Variants in ACRBP observed in about 807,000 individuals in gnomAD.
ACRBP encodes the protein acrosin binding protein, also known as acrosin-binding protein.
ACRBP carries 52 observed loss-of-function variants against 69.0 expected under a neutral mutation model. The ratio of observed to expected loss-of-function variants is 0.75; its 90% CI spans 0.60 to 0.95. ACRBP has a LOEUF of 0.95. Among genes scored for constraint, ACRBP ranks in the 40% least tolerant of loss-of-function variants. The pLI is 0.00. For synonymous variants in ACRBP, 267 were observed against 258.9 expected (o/e 1.03, Z -0.30); for missense variants, 604 against 673.0 (o/e 0.90, Z 1.13).
At chr12:6,638,812 G>C in intron 9 of ACRBP, 142 bp downstream of exon 9, 1 of 1,502,416 alleles carries the variant, frequency 6.7e-7, no homozygotes. Context: ...GAGCCTGCTG[G>C]TGGAGGCCTC....
At chr12:6,647,068 A>AC in intron 1 of ACRBP, 56 bp from the exon 2 acceptor site, 1 of 1,501,686 alleles carries the variant, frequency 6.7e-7, no homozygotes, top group Non-Finnish European at 9.1e-7. Flanking sequence ...CCGCTCCGAG[A>AC]CCAGGACAGA....
At chr12:6,639,430 C>T (rs557285776) in intron 8 of ACRBP, among the ~76,000 whole-genome samples, 4 of 152,326 alleles carry the variant, frequency 2.6e-5, no homozygotes, top group East Asian at 1.9e-4. Flanking sequence ...CTTTGGACCT[C>T]GCCTCCCCAT....
intron 5 of ACRBP, 116 bp downstream of exon 5, chr12:6,644,021 G>A: frequency 1.3e-6 from 2 of 1,487,370 alleles, no homozygotes; most frequent in South Asian, 1.4e-5. Context: ...AGCTGTGCCT[G>A]AAGTCCAGAC....
intron 6 of ACRBP, among the ~76,000 whole-genome samples, chr12:6,643,095 TAAAA>T (rs959147322): frequency 6.6e-6 from 1 of 151,114 alleles, no homozygotes. Flanking sequence ...CTACAAAAAA[TAAAA>T]AAAAATTTAG....
chr12:6,642,748 C>G (rs1200304919), intron 6 of ACRBP, among the ~76,000 whole-genome samples: 1 of 152,186 alleles, frequency 6.6e-6, no homozygotes, highest in Non-Finnish European at 1.5e-5. Flanking sequence ...TGGATGGTAT[C>G]TGAGCTCTCG....
chr12:6,638,666 GAGAC>G (rs1456257794), intron 9 of ACRBP: 37 of 1,404,812 alleles, frequency 2.6e-5, no homozygotes, highest in Non-Finnish European at 3.4e-5. Context: ...GTAAGAAGAG[GAGAC>G]AGACCGAGAC....
intron 6 of ACRBP, among the ~76,000 whole-genome samples, chr12:6,641,228 C>A (rs968558262): frequency 6.6e-6 from 1 of 152,202 alleles, no homozygotes; most frequent in South Asian, 2.1e-4. Flanking sequence ...ACCAATCTCC[C>A]AGCTGGGTTC....
rs1378024205 is a variant in ACRBP at position 6,640,092 on chromosome 12, G to T, written c.1393C>A (p.Leu465Ile). The change falls in exon 8 of 10, where the codon CTT (leucine) becomes ATT (isoleucine). Residue 465 changes from leucine (L) to isoleucine (I), a missense_variant. Physicochemically the swap from Leu to Ile is conservative, Grantham distance 5. This residue lies in a region of ACRBP where 21 missense variants were observed against 50.0 expected (regional missense o/e 0.42). Transcript: ENST00000229243. This position sits in a 1 kb window ranked among gnomAD's most constrained non-coding sequence, Gnocchi z 5.3. ...RVSGWLQTEF[L>I]SFQDGDFPTK... ...GGGAAATCCCCATCCTGGAAGCTAA[G>T]GAACTCAGTCTGGAGCCACCCAGAG... 6.2e-7 allele frequency: 1 copy of T among 1,614,102 alleles called. No individual in the cohort carries two copies. Among genetic ancestry groups the T allele is most frequent in the Non-Finnish European group, 8.5e-7 (1 of 1,180,044 alleles).
Position 6,646,944 on chromosome 12 carries a change from G to C in ACRBP, c.112C>G (p.Leu38Val). The change falls in exon 2 of 10, where the codon CTC (leucine) becomes GTC (valine). Residue 38 changes from leucine to valine, a missense_variant. Physicochemically the swap from Leu to Val is conservative, Grantham distance 32. Coordinates refer to ENST00000229243, the MANE Select transcript of ACRBP (RefSeq NM_032489.3). The part of the protein sequence containing the change: ...STQASTPGSP[L>V]SPTEYERFFA... Reference sequence around the variant, plus strand: ...AAGCGTTCGTATTCGGTAGGAGAGAGAGGGCTGCCTGGAGTGGAGGCCTGA... The same window carrying C: ...AAGCGTTCGTATTCGGTAGGAGAGACAGGGCTGCCTGGAGTGGAGGCCTGA... The C allele has an allele frequency of 6.2e-7, 1 of 1,613,834 alleles. No individual in the cohort carries two copies. Among genetic ancestry groups the C allele is most frequent in the South Asian group, 1.1e-5 (1 of 91,084 alleles).
chr12:6,638,113 G>C lies in ACRBP; in HGVS notation c.*169C>G. The C allele has an allele frequency of 1.2e-6, 1 of 851,990 alleles. No individual in the cohort carries two copies. Among genetic ancestry groups the C allele is most frequent in the Middle Eastern group, 3.7e-4 (1 of 2,728 alleles). 52.8% of individuals were successfully genotyped at this position (851,990 alleles called of 1,614,324 possible). A position where few individuals can be genotyped will look rare whatever the true frequency, so the allele number is the denominator to read the frequency against. ...TTTATGTAAAGTCATCTTTTAAGGA[G>C]GGCGCAGCTCCCACCGTGGCCCTCT... On this transcript the variant is annotated 3_prime_UTR_variant, in exon 10 of 10. Coordinates refer to ENST00000229243, the MANE Select transcript of ACRBP (RefSeq NM_032489.3).
At position 6,638,327 on chromosome 12, in the gene ACRBP, T is replaced by A. The variant is rs1949025846; in HGVS notation, c.1587A>T (p.Arg529=). 6.2e-7 allele frequency: 1 copy of A among 1,614,126 alleles called. No homozygotes were observed. Residue 529 remains arginine, a synonymous_variant, in exon 10 of 10, where the codon CGA becomes CGT. Transcript: ENST00000229243. ...TCAAGGTGCTGAACTCCTGGCTCCA[T>A]CGAAGCACAACGTCCTCACTTTTGC... ...SPGKSEDVVL[R]WSQEFSTLTL...
chr12:6,646,296 C>A (rs1949088396), intron 3 of ACRBP, among the ~76,000 whole-genome samples, 187 bp downstream of exon 3: 1 of 152,056 alleles, frequency 6.6e-6, no homozygotes, highest in African/African-American at 2.4e-5. Flanking sequence ...CTTGCAGTAA[C>A]AGAATTGTTC....
At chr12:6,639,295 G>A (rs565767980) in intron 8 of ACRBP, among the ~76,000 whole-genome samples, 1 of 152,342 alleles carries the variant, frequency 6.6e-6, no homozygotes, top group Admixed American at 6.5e-5. Context: ...CTGAGGAAGC[G>A]GGAATGGGGC....
chr12:6,646,724 A>G, intron 2 of ACRBP, 70 bp downstream of exon 2: 7 of 1,579,756 alleles, frequency 4.4e-6, no homozygotes, highest in Non-Finnish European at 4.3e-6. Context: ...ACATGAGCAC[A>G]GGGGTTTTTG....
In ACRBP at chr12:6,638,325, C is replaced by T; in HGVS notation, c.1589G>A (p.Trp530Ter). 1.2e-6 allele frequency: 2 copies of T among 1,614,164 alleles called. No homozygotes were observed. Among genetic ancestry groups the T allele is most frequent in the East Asian group, 2.2e-5 (1 of 44,870 alleles). ...AGTCAAGGTGCTGAACTCCTGGCTC[C>T]ATCGAAGCACAACGTCCTCACTTTT... ...PGKSEDVVLR[W>*]SQEFSTLTLG... Residue 530 changes from tryptophan (W) to a stop codon, truncating the protein, a stop_gained, in exon 10 of 10, where the codon TGG (tryptophan) becomes TAG (stop). Transcript: ENST00000229243. LOFTEE classifies it high-confidence loss of function.
Position 6,638,608 on chromosome 12 carries a change from C to G in ACRBP, c.1510-204G>C. 3 of 1,240,182 alleles carry G rather than the reference C, an allele frequency of 2.4e-6. No individual in the cohort carries two copies. The South Asian group carries it at 4.7e-5, about 19-fold the overall frequency. The allele number at this position is 1,240,182 out of a possible 1,614,324, so 76.8% of individuals were successfully genotyped here. On this transcript the variant is annotated intron_variant, in intron 9 of 9. Transcript: ENST00000229243. The stretch of plus-strand genomic sequence containing the variant: ...CCAACCCCTTTCATGCAGAAACAGG[C>G]GGCTGAGGCTCAGAGGGGGAAGTGC...
chr12:6,645,347 G>T lies in ACRBP; in HGVS notation c.358-10C>A. The T allele has an allele frequency of 6.2e-7, 1 of 1,604,460 alleles. No individual in the cohort carries two copies. Among genetic ancestry groups the T allele is most frequent in the Non-Finnish European group, 8.5e-7 (1 of 1,171,650 alleles). ...GGGAACACAGGACTCTCTGCAGGAA[G>T]AGAAGGAAAATGGGAAAGCCTTTCC... On this transcript the variant is annotated splice_polypyrimidine_tract_variant and intron_variant, in intron 3 of 9. Transcript: ENST00000229243.
chr12:6,645,510 T>C (rs1342339930), intron 3 of ACRBP, among the ~76,000 whole-genome samples, 173 bp from the exon 4 acceptor site: 2 of 152,138 alleles, frequency 1.3e-5, no homozygotes, highest in African/African-American at 4.8e-5. Context: ...CTTCAGAAGA[T>C]GAATCTCTGT....
Position 6,640,220 on chromosome 12 carries a change from G to C in ACRBP, c.1265C>G (p.Ser422Cys). The C allele has an allele frequency of 6.2e-7, 1 of 1,614,144 alleles. No individual in the cohort carries two copies. Among genetic ancestry groups the C allele is most frequent in the Non-Finnish European group, 8.5e-7 (1 of 1,180,030 alleles). ...CCCGTAAAAGCGGCCTGATTCTGGGGACCCTACCTGTGGCACAGGAGATAG... is the reference window on the plus strand; with the variant it reads ...CCCGTAAAAGCGGCCTGATTCTGGGCACCCTACCTGTGGCACAGGAGATAG... ...QSLSIGNQVG[S>C]PESGRFYGLD... Residue 422 changes from serine to cysteine, a missense_variant, in exon 8 of 10, where the codon TCC (serine) becomes TGC (cysteine). Ser to Cys is a moderately radical substitution (Grantham distance 112, BLOSUM62 -1). Transcript: ENST00000229243. The surrounding 1 kb of genome is among the most constrained non-coding windows in gnomAD (Gnocchi z 5.3).
Sources: gnomAD v4.1 joint callset for allele counts (sites outside exome capture counted in the v4.1 genomes callset) on GRCh38, gnomAD v4.1.1 for gene constraint, gnomAD v4.1.1 regional missense constraint, Gnocchi (gnomAD v3.1) non-coding constraint, MANE v1.5 for transcripts, NCBI Gene and HGNC (gene_info 2026-07-23, HGNC 2026-07-21) for gene names.